The following PSPH variants were observed in gnomAD, a reference collection of about 807,000 sequenced individuals.
PSPH encodes L-3-phosphoserine phosphatase.
A neutral mutation model predicts 23.4 loss-of-function variants in PSPH; 16 were observed. The observed-to-expected ratio is 0.68, with a 90% confidence interval of 0.46 to 1.04. The LOEUF is 1.04. Ranked by LOEUF, PSPH falls within the 50% of genes least tolerant of loss-of-function variation. The pLI, the probability that PSPH is intolerant of heterozygous loss-of-function variation, is 0.00. For synonymous variants in PSPH, 68 were observed against 99.7 expected, an observed-to-expected ratio of 0.68 and a Z score of 1.89; for missense variants, 223 against 273.7, an observed-to-expected ratio of 0.81 and a Z score of 1.31.
chr7:56,044,567 G>T (rs1481059160), intron 1 of PSPH, among the ~76,000 whole-genome samples: 1 of 152,116 alleles, frequency 6.6e-6, no homozygotes, highest in Non-Finnish European at 1.5e-5. Flanking sequence ...AACAGTGTAA[G>T]AATAATATTA....
At chr7:56,025,544 C>T (rs1467318915) in intron 3 of PSPH, among the ~76,000 whole-genome samples, 1 of 151,904 alleles carries the variant, frequency 6.6e-6, no homozygotes, top group East Asian at 1.9e-4. Flanking sequence ...CAGGCGTGAG[C>T]AACTGCGCCT....
intron 3 of PSPH, among the ~76,000 whole-genome samples, chr7:56,028,832 T>G (rs142371208): frequency 9.7e-4 from 148 of 152,178 alleles, no homozygotes; most frequent in African/African-American, 3.5e-3. Context: ...ATTTTTACTT[T>G]TTTTGAGATG....
intron 2 of PSPH, chr7:56,033,092 G>A (rs529428042): frequency 2.0e-4 from 31 of 152,168 alleles, no homozygotes; most frequent in Non-Finnish European, 3.1e-4. Context: ...AAACCTACCC[G>A]GCACGGTAAT....
chr7:56,027,687 CAA>C lies in PSPH; in HGVS notation c.-20+4240_-20+4241del, dbSNP rs35102510. On this transcript the variant is annotated intron_variant, in intron 3 of 7. Coordinates refer to ENST00000275605, the MANE Select transcript of PSPH (RefSeq NM_004577.4). ...GGATGACAAGAGCAAGACTCCATCT[CAA>C]AAAAAAAAAAAAAAAGGCCAACCAG... Among the ~76,000 whole-genome samples the C allele has an allele frequency of 3.8e-3, 391 of 102,284 alleles. 1 individual carries two copies. The highest frequency in any genetic ancestry group is 4.9e-3 in the Non-Finnish European group (257 of 52,092). 67.1% of individuals were successfully genotyped at this position (102,284 alleles called of 152,430 possible).
At chr7:56,017,613 G>A (rs934179219) in intron 5 of PSPH, among the ~76,000 whole-genome samples, 5 of 151,148 alleles carry the variant, frequency 3.3e-5, no homozygotes, top group Non-Finnish European at 5.9e-5. Context: ...GCAGTGGTGC[G>A]ATCTCGGCTC....
rs566104046 is a variant in PSPH, at chr7:56,038,180, T to C, written c.-291-4074A>G. 9.9e-5 allele frequency among the ~76,000 whole-genome samples: 15 copies of C among 151,144 alleles called. No homozygotes were observed. The East Asian group carries it at 1.2e-3, about 12-fold the overall frequency. The stretch of plus-strand genomic sequence containing the variant: ...GCGGCCAGGTGCGGTGGCTCACACC[T>C]GTAATCCCAGCACTTTGGGAGGCCG... On this transcript the variant is annotated intron_variant, in intron 1 of 7. Transcript: ENST00000275605.
chr7:56,017,376 C>A lies in PSPH; in HGVS notation c.279G>T (p.Glu93Asp), dbSNP rs1422090609. ...QPPHLTPGIRELVSRLQERNV... is the reference protein window; with the variant it reads ...QPPHLTPGIRDLVSRLQERNV... Reference sequence around the variant, plus strand: ...TTCGCTCCTGTAGGCGACTTACCAGCTCCCTGCAAAATAAAATACAAAATA... The same window carrying A: ...TTCGCTCCTGTAGGCGACTTACCAGATCCCTGCAAAATAAAATACAAAATA... Residue 93 changes from glutamate to aspartate, a missense_variant, in exon 6 of 8, where the codon GAG becomes GAT. Transcript: ENST00000275605. 2 of 1,599,504 alleles carry A rather than the reference C, an allele frequency of 1.3e-6. No homozygotes were observed. The highest frequency in any genetic ancestry group is 2.2e-5 in the South Asian group (2 of 90,788).
At chr7:56,031,146 G>A (rs1413852871) in intron 3 of PSPH, among the ~76,000 whole-genome samples, 2 of 151,716 alleles carry the variant, frequency 1.3e-5, no homozygotes, top group African/African-American at 4.8e-5. Context: ...GGGAAGCGGA[G>A]CTTGCAGTGA....
intron 3 of PSPH, among the ~76,000 whole-genome samples, chr7:56,029,387 G>A (rs1790638719): frequency 1.3e-5 from 2 of 151,222 alleles, no homozygotes; most frequent in African/African-American, 4.9e-5. Flanking sequence ...AGACACAGCA[G>A]CTCCCAGGTC....
intron 1 of PSPH, among the ~76,000 whole-genome samples, chr7:56,038,697 G>A (rs749433545): frequency 1.3e-5 from 2 of 151,492 alleles, no homozygotes; most frequent in Non-Finnish European, 2.9e-5. Flanking sequence ...TTAGCTGGAC[G>A]TGCACACACC....
intron 3 of PSPH, among the ~76,000 whole-genome samples, chr7:56,026,514 C>T (rs1485431984): frequency 7.5e-6 from 1 of 132,600 alleles, no homozygotes; most frequent in South Asian, 2.5e-4. Context: ...AAAAAAAGAA[C>T]TCAACAAGGG....
At chr7:56,043,957 T>C (rs186890790) in intron 1 of PSPH, among the ~76,000 whole-genome samples, 38 of 152,208 alleles carry the variant, frequency 2.5e-4, no homozygotes, top group African/African-American at 7.9e-4. Context: ...ATTTTTCCCA[T>C]GAGAATATTT....
chr7:56,039,769 TG>T (rs1156505565), intron 1 of PSPH, among the ~76,000 whole-genome samples: 2 of 114,060 alleles, frequency 1.8e-5, no homozygotes, highest in African/African-American at 7.0e-5. Flanking sequence ...AGAAAGACTC[TG>T]TCTCAAAAAA....
chr7:56,029,606 A>G (rs1365820519), intron 3 of PSPH, among the ~76,000 whole-genome samples: 2 of 152,110 alleles, frequency 1.3e-5, no homozygotes, highest in African/African-American at 4.8e-5. Flanking sequence ...ATTTTGGATA[A>G]GAGGAAAAAT....
At chr7:56,049,265 G>C (rs1362790228) in intron 1 of PSPH, among the ~76,000 whole-genome samples, 4 of 151,818 alleles carry the variant, frequency 2.6e-5, no homozygotes, top group Non-Finnish European at 1.5e-5. Context: ...TTAGGTATTT[G>C]TCTTAATGCT....
At chr7:56,020,994 G>C (rs781642229) in intron 4 of PSPH, 79 bp downstream of exon 4, 24 of 1,525,306 alleles carry the variant, frequency 1.6e-5, no homozygotes, top group Non-Finnish European at 2.1e-5. Flanking sequence ...TCCATAGCCA[G>C]GGTCTAGCAC....
chr7:56,013,987 G>A (rs1584375402), intron 7 of PSPH, among the ~76,000 whole-genome samples: 1 of 152,138 alleles, frequency 6.6e-6, no homozygotes, highest in East Asian at 1.9e-4. Flanking sequence ...ATCTTAGCTG[G>A]GTGTGGTGGA....
At chr7:56,013,760 A>G (rs2116484415) in intron 7 of PSPH, among the ~76,000 whole-genome samples, 1 of 151,618 alleles carries the variant, frequency 6.6e-6, no homozygotes, top group African/African-American at 2.4e-5. Context: ...AATAAATAAA[A>G]ACAAAATGCT....
chr7:56,011,585 C>A lies in PSPH; in HGVS notation c.*177G>T. On this transcript the variant is annotated 3_prime_UTR_variant, in exon 8 of 8. Coordinates refer to ENST00000275605, the MANE Select transcript of PSPH (RefSeq NM_004577.4). ...TAGTCATCATATAATACTGGAACTACAGTTAAAAAAAAAAAAAAAGCAATC... is the reference window on the plus strand; with the variant it reads ...TAGTCATCATATAATACTGGAACTAAAGTTAAAAAAAAAAAAAAAGCAATC... 4 of 521,230 alleles carry A rather than the reference C, an allele frequency of 7.7e-6. No homozygotes were observed. Among genetic ancestry groups the A allele is most frequent in the Admixed American group, 3.2e-5 (1 of 30,832 alleles). The allele number at this position is 521,230 out of a possible 1,614,324, so 32.3% of individuals were successfully genotyped here. A position where few individuals can be genotyped will look rare whatever the true frequency, so the allele number is the denominator to read the frequency against.
Sources: gnomAD v4.1 joint callset for allele counts (sites outside exome capture counted in the v4.1 genomes callset) on GRCh38, gnomAD v4.1.1 for gene constraint, MANE v1.5 for transcripts, NCBI Gene and HGNC (gene_info 2026-07-23, HGNC 2026-07-21) for gene names.